LRRC7: variants seen among roughly 807,000 people sequenced by gnomAD.
The protein encoded by LRRC7 is leucine-rich repeat-containing protein 7.
A neutral mutation model predicts 175.7 loss-of-function variants in LRRC7; 23 were observed. The ratio of observed to expected loss-of-function variants is 0.13; its 90% CI spans 0.09 to 0.19. LRRC7 has a LOEUF of 0.19. LRRC7 is among the 10% of genes least tolerant of loss of function. LRRC7 has a pLI of 1.00. For missense variants in LRRC7, 1,354 were observed against 1,904.7 expected (o/e 0.71, Z 5.38); for synonymous variants, 685 against 680.9 (o/e 1.01, Z -0.09).
chr1:69,609,336 A>G (rs920836889), intron 1 of LRRC7, among the ~76,000 whole-genome samples: 3 of 152,086 alleles, frequency 2.0e-5, no homozygotes, highest in African/African-American at 7.2e-5. Flanking sequence ...ATGTTAATCT[A>G]TATATTATTC....
intron 8 of LRRC7, among the ~76,000 whole-genome samples, chr1:69,971,254 A>G (rs902770085): frequency 6.6e-6 from 1 of 152,214 alleles, no homozygotes; most frequent in African/African-American, 2.4e-5. Flanking sequence ...CCTTTTCACC[A>G]TAGTATTATG....
chr1:69,599,429 A>C (rs1051648399), intron 1 of LRRC7, among the ~76,000 whole-genome samples: 6 of 152,234 alleles, frequency 3.9e-5, no homozygotes, highest in African/African-American at 1.4e-4. Context: ...GACTAGATAG[A>C]ACATAAAATG....
At chr1:69,945,415 A>G (rs1649202505) in intron 8 of LRRC7, among the ~76,000 whole-genome samples, 1 of 152,106 alleles carries the variant, frequency 6.6e-6, no homozygotes, top group Non-Finnish European at 1.5e-5. Context: ...ACTTTTTAGT[A>G]GATTTTGAGA....
At chr1:69,628,132 C>A (rs1227961398) in intron 1 of LRRC7, among the ~76,000 whole-genome samples, 1 of 151,938 alleles carries the variant, frequency 6.6e-6, no homozygotes, top group Admixed American at 6.6e-5. Flanking sequence ...CAAGTCCTAG[C>A]TAATGCTATA....
At chr1:69,944,357 A>G (rs1378230287) in intron 8 of LRRC7, among the ~76,000 whole-genome samples, 1 of 152,124 alleles carries the variant, frequency 6.6e-6, no homozygotes. Context: ...GCTACTCATC[A>G]GTTGATCCAC....
At chr1:69,718,128 A>AAAGAAAGAGAGAG (rs1665875299) in intron 2 of LRRC7, among the ~76,000 whole-genome samples, 4 of 67,800 alleles carry the variant, frequency 5.9e-5, no homozygotes, top group African/African-American at 3.9e-4. Context: ...AAAGAAAGAA[A>AAAGAAAGAGAGAG]AGAAAGAAAG....
chr1:70,028,924 T>G lies in LRRC7; in HGVS notation c.1995+553T>G, dbSNP rs562270532. ...GAATGAGTTAGAAATCCATCCTTATTGATTTTGTGGTCTGAAAAGAATTCA... is the reference window on the plus strand; with the variant it reads ...GAATGAGTTAGAAATCCATCCTTATGGATTTTGTGGTCTGAAAAGAATTCA... On this transcript the variant is annotated intron_variant, in intron 18 of 26. Transcript: ENST00000651989. Among the ~76,000 whole-genome samples, 62 of 152,302 alleles carry G rather than the reference T, an allele frequency of 4.1e-4. No individual in the cohort carries two copies. In the South Asian group the frequency reaches 0.012, roughly 30 times the overall value.
chr1:69,941,654 TA>T (rs962966234), intron 8 of LRRC7, among the ~76,000 whole-genome samples: 26 of 151,652 alleles, frequency 1.7e-4, no homozygotes, highest in South Asian at 4.2e-4. Context: ...TTATTCAGAA[TA>T]AAAAAAAGAA....
intron 1 of LRRC7, among the ~76,000 whole-genome samples, chr1:69,656,856 A>G (rs35279628): frequency 1.3e-5 from 2 of 152,062 alleles, no homozygotes; most frequent in East Asian, 1.9e-4. Context: ...TATAACAATA[A>G]CAATAGTAGA....
intron 1 of LRRC7, among the ~76,000 whole-genome samples, chr1:69,610,871 C>T (rs1049080536): frequency 6.6e-6 from 1 of 151,926 alleles, no homozygotes; most frequent in Non-Finnish European, 1.5e-5. Flanking sequence ...TACATACCAA[C>T]AGTCCTTGAT....
chr1:69,568,494 T>TC lies in LRRC7; in HGVS notation c.-144dup. ...TGGATTCCCCTCTATCTCCTGTTCT[T>TC]CCTACCTTCTACTCCTTCCCTCCTC... is the stretch of plus-strand genomic sequence containing the variant. On this transcript the variant is annotated 5_prime_UTR_variant, in exon 1 of 27. Transcript: ENST00000651989. 1 of 598,332 alleles carries TC rather than the reference T, an allele frequency of 1.7e-6. No homozygotes were observed. The highest frequency in any genetic ancestry group is 2.6e-6 in the Non-Finnish European group (1 of 389,138). The allele number at this position is 598,332 out of a possible 1,614,324, so 37.1% of individuals were successfully genotyped here.
chr1:69,675,476 A>G (rs998286074), intron 1 of LRRC7, among the ~76,000 whole-genome samples: 1 of 152,288 alleles, frequency 6.6e-6, no homozygotes, highest in East Asian at 1.9e-4. Flanking sequence ...ATTCCCCATC[A>G]GAGTGTAATC....
intron 22 of LRRC7, among the ~76,000 whole-genome samples, chr1:70,051,197 A>C (rs1249913518): frequency 6.6e-6 from 1 of 152,068 alleles, no homozygotes; most frequent in East Asian, 1.9e-4. Flanking sequence ...GAGGAAATAC[A>C]GATAGAGTTG....
intron 1 of LRRC7, among the ~76,000 whole-genome samples, chr1:69,578,828 A>G (rs902958392): frequency 6.8e-6 from 1 of 147,466 alleles, no homozygotes; most frequent in African/African-American, 2.5e-5. Flanking sequence ...GCATTAGGAG[A>G]TATACCTAAT....
chr1:69,613,153 T>C (rs1175084635), intron 1 of LRRC7, among the ~76,000 whole-genome samples: 4 of 152,104 alleles, frequency 2.6e-5, no homozygotes, highest in Non-Finnish European at 4.4e-5. Context: ...TTTCTCACAG[T>C]TCCAGAACAC....
At chr1:69,589,135 TGTG>T (rs1646527652) in intron 1 of LRRC7, among the ~76,000 whole-genome samples, 1 of 150,532 alleles carries the variant, frequency 6.6e-6, no homozygotes, top group South Asian at 2.1e-4. Flanking sequence ...TGTGTGTGTG[TGTG>T]TGTGTGTGTG....
At chr1:69,745,586 C>G (rs1181204654) in intron 2 of LRRC7, among the ~76,000 whole-genome samples, 2 of 151,802 alleles carry the variant, frequency 1.3e-5, no homozygotes, top group African/African-American at 4.8e-5. Context: ...AGACATATCA[C>G]AACAGAATAT....
intron 1 of LRRC7, among the ~76,000 whole-genome samples, chr1:69,581,082 G>A (rs1045274299): frequency 6.6e-6 from 1 of 152,162 alleles, no homozygotes; most frequent in African/African-American, 2.4e-5. Flanking sequence ...AGACTGGCAC[G>A]TTATGAGGCA....
At chr1:69,781,873 G>GAAGGGA (rs1553155268) in intron 3 of LRRC7, among the ~76,000 whole-genome samples, 1 of 128,920 alleles carries the variant, frequency 7.8e-6, no homozygotes, top group Non-Finnish European at 1.6e-5. Flanking sequence ...AGGAAGGAAG[G>GAAGGGA]AAGAAAGAAA....
Sources: gnomAD v4.1 joint callset for allele counts (sites outside exome capture counted in the v4.1 genomes callset) on GRCh38, gnomAD v4.1.1 for gene constraint, MANE v1.5 for transcripts, NCBI Gene and HGNC (gene_info 2026-07-23, HGNC 2026-07-21) for gene names.